The following MPP4 variants were observed in gnomAD, a reference collection of about 807,000 sequenced individuals.
MPP4 encodes the protein MAGUK p55 scaffold protein 4, also known as MAGUK p55 subfamily member 4.
MPP4 carries 91 observed loss-of-function variants against 98.3 expected under a neutral mutation model. The ratio of observed to expected loss-of-function variants is 0.93; its 90% confidence interval spans 0.78 to 1.10. The LOEUF is 1.10. Among genes scored for constraint, MPP4 ranks in the 50% least tolerant of loss-of-function variants. The pLI is 0.00. For missense variants in MPP4, 744 were observed against 792.9 expected, an observed-to-expected ratio of 0.94 and a Z score of 0.74; for synonymous variants, 261 against 271.8, an observed-to-expected ratio of 0.96 and a Z score of 0.39.
intron 10 of MPP4, among the ~76,000 whole-genome samples, chr2:201,678,324 TC>T (rs1442344976): frequency 6.6e-6 from 1 of 152,168 alleles, no homozygotes; most frequent in Non-Finnish European, 1.5e-5. Flanking sequence ...TCACCCCTTA[TC>T]CCCTGTGCTT....
intron 3 of MPP4, 101 bp downstream of exon 3, chr2:201,692,807 C>T: frequency 6.8e-7 from 1 of 1,479,856 alleles, no homozygotes. Context: ...TGTTTATAAA[C>T]TATTCCACTA....
chr2:201,646,520 T>G (rs1406453850), intron 21 of MPP4, among the ~76,000 whole-genome samples: 1 of 152,162 alleles, frequency 6.6e-6, no homozygotes, highest in African/African-American at 2.4e-5. Context: ...TGACCATACA[T>G]ATGATCCAGA....
intron 18 of MPP4, among the ~76,000 whole-genome samples, chr2:201,654,057 A>G (rs1183102856): frequency 6.6e-6 from 1 of 151,932 alleles, no homozygotes; most frequent in Non-Finnish European, 1.5e-5. Flanking sequence ...GCTCACTGCA[A>G]CCTCCGCCTC....
In MPP4 at chr2:201,674,933, C is replaced by T. The variant is rs1196302193; in HGVS notation, c.994+274G>A. 4 of 543,786 alleles carry T rather than the reference C, an allele frequency of 7.4e-6. No homozygotes were observed. In the East Asian group the frequency reaches 1.4e-4, roughly 19 times the overall value. 33.7% of individuals were successfully genotyped at this position (543,786 alleles called of 1,614,324 possible). A position where few individuals can be genotyped will look rare whatever the true frequency, so the allele number is the denominator to read the frequency against. On this transcript the variant is annotated intron_variant, in intron 11 of 21. Coordinates refer to ENST00000409474, the MANE Select transcript of MPP4 (RefSeq NM_033066.3). ...CCTGTGGCTCCACCCAGAAGCAACT[C>T]AGTACAAGAGGACAGCTTCAACTCC... is the stretch of plus-strand genomic sequence containing the variant.
chr2:201,677,418 AT>A (rs1219177108), intron 10 of MPP4, among the ~76,000 whole-genome samples: 3 of 152,092 alleles, frequency 2.0e-5, no homozygotes, highest in Non-Finnish European at 4.4e-5. Context: ...TTAGATGGGT[AT>A]TATTTTCCAC....
In MPP4 at chr2:201,669,569, ACTACT is replaced by A. The variant is rs1273693052; in HGVS notation, c.1012+159_1012+163del. On this transcript the variant is annotated intron_variant, in intron 12 of 21. Transcript: ENST00000409474. ...ATTTTTATAAATCAATGACTATCAC[ACTACT>A]AGGTATATAGGAAGAGCTTAATAAT... Among the ~76,000 whole-genome samples, 6 of 382 alleles carry A rather than the reference ACTACT, an allele frequency of 0.016. No individual in the cohort carries two copies. In the East Asian group the frequency reaches 0.5, roughly 32 times the overall value. The allele number at this position is 382 out of a possible 152,430, so 0.3% of individuals were successfully genotyped here.
chr2:201,666,153 A>C (rs900231526), intron 13 of MPP4, 181 bp downstream of exon 13: 6 of 500,796 alleles, frequency 1.2e-5, no homozygotes, highest in Non-Finnish European at 2.1e-5. Flanking sequence ...ACCTGGAGAC[A>C]TTACCACAGC....
In MPP4 at chr2:201,654,814, T is replaced by A. The variant is rs370199388; in HGVS notation, c.1381+23A>T. Reference sequence around the variant, plus strand: ...AAAGTTTTACCAAAACACAAACCATTATGAAAGCAGAACTAAACATACGTG... The same window carrying A: ...AAAGTTTTACCAAAACACAAACCATAATGAAAGCAGAACTAAACATACGTG... On this transcript the variant is annotated intron_variant, in intron 18 of 21. Transcript: ENST00000409474. 112 of 1,562,194 alleles carry A rather than the reference T, an allele frequency of 7.2e-5. 1 individual carries two copies. The African/African-American group carries it at 1.4e-3, about 19-fold the overall frequency.
chr2:201,690,638 A>G (rs1327610541), intron 3 of MPP4, among the ~76,000 whole-genome samples: 1 of 152,160 alleles, frequency 6.6e-6, no homozygotes. Context: ...AGCGTCTTAA[A>G]GGAGGGGCCC....
chr2:201,682,445 G>T (rs1288518126), intron 8 of MPP4, among the ~76,000 whole-genome samples: 4 of 152,210 alleles, frequency 2.6e-5, no homozygotes, highest in Non-Finnish European at 5.9e-5. Context: ...CCATAGAAAA[G>T]TGTTAGTGGG....
rs191671983 is a variant in MPP4 at position 201,691,209 on chromosome 2, T to G, written c.202-930A>C. ...CCTGTGGGAAAATGCCTGATAGAAA[T>G]CAGGTGTTTTATAACAGGTGCTATG... On this transcript the variant is annotated intron_variant, in intron 3 of 21. Coordinates refer to ENST00000409474, the MANE Select transcript of MPP4 (RefSeq NM_033066.3). Among the ~76,000 whole-genome samples the G allele has an allele frequency of 1.4e-3, 213 of 152,282 alleles. 1 individual carries two copies. Among genetic ancestry groups the G allele is most frequent in the Admixed American group, 3.7e-3 (56 of 15,298 alleles).
In MPP4 at chr2:201,674,277, T is replaced by C. The variant is rs369401603; in HGVS notation, c.994+930A>G. Among the ~76,000 whole-genome samples the C allele has an allele frequency of 2.2e-3, 332 of 152,342 alleles. 2 individuals carry two copies. The highest frequency in any genetic ancestry group is 7.8e-3 in the African/African-American group (323 of 41,574). On this transcript the variant is annotated intron_variant, in intron 11 of 21. Coordinates refer to ENST00000409474, the MANE Select transcript of MPP4 (RefSeq NM_033066.3). ...TGCAGAGATCTTGGAAGGCCTCAACTTGGGGAGGGATGTCTTCAGGTGTCA... is the reference window on the plus strand; with the variant it reads ...TGCAGAGATCTTGGAAGGCCTCAACCTGGGGAGGGATGTCTTCAGGTGTCA...
rs1687921100 is a variant in MPP4, at chr2:201,658,460, G to A, written c.1129+17C>T. The A allele has an allele frequency of 6.2e-7, 1 of 1,607,904 alleles. No individual in the cohort carries two copies. The highest frequency in any genetic ancestry group is 1.3e-5 in the African/African-American group (1 of 74,750). On this transcript the variant is annotated intron_variant, in intron 16 of 21. Transcript: ENST00000409474. ...AACAAGTGACAGAGACCCACCTCTT[G>A]TTAATTTATCACCTACCTATAAAGA...
chr2:201,682,793 C>A, intron 8 of MPP4, 38 bp downstream of exon 8: 1 of 1,578,986 alleles, frequency 6.3e-7, no homozygotes, highest in East Asian at 2.2e-5. Flanking sequence ...CTTGGCATTT[C>A]TCCAAGTCAT....
intron 12 of MPP4, among the ~76,000 whole-genome samples, chr2:201,669,496 C>G (rs1688277910): frequency 6.6e-6 from 1 of 152,178 alleles, no homozygotes; most frequent in Non-Finnish European, 1.5e-5. Context: ...CTTTATTCCT[C>G]TCAGTGTTAG....
In MPP4 at chr2:201,685,968, C is replaced by T. The variant is rs370367828; in HGVS notation, c.443G>A (p.Ser148Asn). Residue 148 changes from serine (S) to asparagine (N), a missense_variant, in exon 6 of 22, where the codon AGT becomes AAT. Transcript: ENST00000409474. Reference sequence around the variant, plus strand: ...ACAAACAATCCTCATTGCTTCCTCACTCTCAGGGATATTGTCTGGCAGTGG... The same window carrying T: ...ACAAACAATCCTCATTGCTTCCTCATTCTCAGGGATATTGTCTGGCAGTGG... ...LPPLPDNIPE[S>N]EEAMRIVCLV... 5 of 1,612,818 alleles carry T rather than the reference C, an allele frequency of 3.1e-6. No homozygotes were observed. The African/African-American group carries it at 4.0e-5, about 13-fold the overall frequency.
chr2:201,670,050 TAACATGC>T (rs1243981426), intron 11 of MPP4, among the ~76,000 whole-genome samples: 6 of 152,190 alleles, frequency 3.9e-5, no homozygotes, highest in African/African-American at 1.4e-4. Flanking sequence ...ATTTCTGAAT[TAACATGC>T]TTACTTCAGC....
At position 201,681,661 on chromosome 2, in the gene MPP4, C is replaced by T. The variant is rs576794345; in HGVS notation, c.661-94G>A. The T allele has an allele frequency of 1.1e-3, 1,013 of 908,914 alleles. 1 individual carries two copies. The highest frequency in any genetic ancestry group is 1.6e-3 in the Non-Finnish European group (895 of 564,168). The allele number at this position is 908,914 out of a possible 1,614,324, so 56.3% of individuals were successfully genotyped here. On this transcript the variant is annotated intron_variant, in intron 8 of 21. Coordinates refer to ENST00000409474, the MANE Select transcript of MPP4 (RefSeq NM_033066.3). Reference sequence around the variant, plus strand: ...GAGTTACAGTGCAATGTATCCAGGTCTCATGGTAAAATCCCCCAAGAGCCT... The same window carrying T: ...GAGTTACAGTGCAATGTATCCAGGTTTCATGGTAAAATCCCCCAAGAGCCT...
At chr2:201,660,678 T>C (rs1484836195) in intron 14 of MPP4, among the ~76,000 whole-genome samples, 1 of 152,102 alleles carries the variant, frequency 6.6e-6, no homozygotes, top group Non-Finnish European at 1.5e-5. Flanking sequence ...GCAACAGGTT[T>C]GAGCCTTCTC....
Sources: allele counts gnomAD v4.1 joint callset (sites outside exome capture counted in the v4.1 genomes callset), GRCh38; gene constraint gnomAD v4.1.1; transcripts MANE v1.5; gene names NCBI Gene and HGNC (gene_info 2026-07-23, HGNC 2026-07-21).